Variants in PDE4D observed in about 807,000 individuals in gnomAD.
PDE4D encodes the protein phosphodiesterase 4D, also known as 3',5'-cyclic-AMP phosphodiesterase 4D.
In PDE4D, 24 loss-of-function variants were observed where a neutral mutation model predicts 87.4. That is an observed-to-expected ratio of 0.27 (90% CI 0.20 to 0.39). The LOEUF (loss-of-function observed/expected upper bound fraction) is 0.39, where lower values mean the gene tolerates loss of function less well. Ranked by LOEUF, PDE4D falls within the 10% of genes least tolerant of loss-of-function variation. The pLI, the probability that PDE4D is intolerant of heterozygous loss-of-function variation, is 1.00. For missense variants in PDE4D, 714 were observed against 1,041.0 expected, an observed-to-expected ratio of 0.69 and a Z score of 4.32; for synonymous variants, 384 against 383.2, an observed-to-expected ratio of 1.00 and a Z score of -0.02.
intron 2 of PDE4D, among the ~76,000 whole-genome samples, chr5:60,125,605 CAG>C (rs371540493): frequency 2.1e-4 from 32 of 149,522 alleles, no homozygotes; most frequent in South Asian, 4.2e-4. Context: ...GAGAGAAAGA[CAG>C]AGAGAGAGAG....
chr5:60,271,882 A>G (rs909486970), intron 1 of PDE4D, among the ~76,000 whole-genome samples: 2 of 152,222 alleles, frequency 1.3e-5, no homozygotes, highest in African/African-American at 4.8e-5. Flanking sequence ...AGAGACCATG[A>G]TCTATTCCCT....
rs34301317 is a variant in PDE4D, at chr5:59,551,471, T to TCACACACACACA, written c.456-335515_456-335504dup. ...CTCATTGAATAAAATGCTACTTCAG[T>TCACACACACACA]CACACACACACACACACACACACAA... is the stretch of plus-strand genomic sequence containing the variant. On this transcript the variant is annotated intron_variant, in intron 1 of 14. Coordinates refer to ENST00000340635, the MANE Select transcript of PDE4D (RefSeq NM_001104631.2). Among the ~76,000 whole-genome samples, 257 of 148,878 alleles carry TCACACACACACA rather than the reference T, an allele frequency of 1.7e-3. 1 individual carries two copies. Among genetic ancestry groups the TCACACACACACA allele is most frequent in the African/African-American group, 6.0e-3 (244 of 40,606 alleles).
At chr5:59,972,980 A>C (rs901152351) in intron 3 of PDE4D, among the ~76,000 whole-genome samples, 1 of 152,150 alleles carries the variant, frequency 6.6e-6, no homozygotes, top group African/African-American at 2.4e-5. Flanking sequence ...TCACCAACAG[A>C]GGAATGGTTA....
intron 1 of PDE4D, among the ~76,000 whole-genome samples, chr5:60,501,224 C>T (rs1750059037): frequency 6.6e-6 from 1 of 151,970 alleles, no homozygotes; most frequent in South Asian, 2.1e-4. Flanking sequence ...TTGTTCAATT[C>T]CCACCTATGA....
intron 1 of PDE4D, among the ~76,000 whole-genome samples, chr5:59,448,984 T>C (rs1004007888): frequency 4.6e-5 from 7 of 152,154 alleles, no homozygotes; most frequent in Non-Finnish European, 1.0e-4. Context: ...GTGAGTCTGT[T>C]ATAATTTTCT....
chr5:59,674,538 G>A (rs1747750433), intron 1 of PDE4D, among the ~76,000 whole-genome samples: 1 of 152,080 alleles, frequency 6.6e-6, no homozygotes, highest in Admixed American at 6.6e-5. Context: ...ATGATTCTCT[G>A]CTCCTTTTCT....
intron 1 of PDE4D, among the ~76,000 whole-genome samples, chr5:59,495,613 A>C (rs945167657): frequency 1.3e-5 from 2 of 152,192 alleles, no homozygotes; most frequent in African/African-American, 2.4e-5. Context: ...AGAGACATAA[A>C]GCATTAGAAG....
Position 59,651,279 on chromosome 5 carries a change from T to G in PDE4D, c.455+241889A>C, listed in dbSNP as rs917995150. Among the ~76,000 whole-genome samples, 187 of 143,690 alleles carry G rather than the reference T, an allele frequency of 1.3e-3. 1 individual carries two copies. The highest frequency in any genetic ancestry group is 9.2e-3 in the East Asian group (47 of 5,090). 94.3% of individuals were successfully genotyped at this position (143,690 alleles called of 152,430 possible). A position where few individuals can be genotyped will look rare whatever the true frequency, so the allele number is the denominator to read the frequency against. ...TCAACAATAATAATAATAATAATAATAATAATAATAATAATAATAATAATA... is the reference window on the plus strand; with the variant it reads ...TCAACAATAATAATAATAATAATAAGAATAATAATAATAATAATAATAATA... On this transcript the variant is annotated intron_variant, in intron 1 of 14. Coordinates refer to ENST00000340635, the MANE Select transcript of PDE4D (RefSeq NM_001104631.2).
chr5:59,045,534 C>T (rs1470821367), intron 5 of PDE4D, among the ~76,000 whole-genome samples: 1 of 60,262 alleles, frequency 1.7e-5, no homozygotes. Flanking sequence ...GCCTGGGCAA[C>T]AAGAGCATAA....
rs116392252 is a variant in PDE4D at position 60,069,357 on chromosome 5, T to A, written c.43-80640A>T. ...AGACACAGTGAGAAGGCACTAACTA[T>A]GAGGAAGCAGTCCATCAGTACCTGT... On this transcript the variant is annotated intron_variant, in intron 2 of 16. Transcript: ENST00000502484. Among the ~76,000 whole-genome samples, 1,016 of 152,262 alleles carry A rather than the reference T, an allele frequency of 6.7e-3. 18 individuals carry two copies. The highest frequency in any genetic ancestry group is 0.045 in the East Asian group (235 of 5,176).
At chr5:59,291,226 T>C (rs1767949306) in intron 1 of PDE4D, among the ~76,000 whole-genome samples, 1 of 152,076 alleles carries the variant, frequency 6.6e-6, no homozygotes. Context: ...ATGGTGCATA[T>C]ATATAATGTA....
chr5:59,371,839 C>A (rs1377643027), intron 1 of PDE4D, among the ~76,000 whole-genome samples: 1 of 152,198 alleles, frequency 6.6e-6, no homozygotes, highest in Admixed American at 6.5e-5. Flanking sequence ...TAATTTGTTT[C>A]TTACCCAGGG....
At chr5:60,068,986 T>A (rs532989324) in intron 2 of PDE4D, among the ~76,000 whole-genome samples, 4 of 152,336 alleles carry the variant, frequency 2.6e-5, no homozygotes, top group African/African-American at 9.6e-5. Context: ...AGTCTTGGTC[T>A]ATGTTTAATC....
Position 58,971,681 on chromosome 5 carries a change from A to G in PDE4D, c.*2983T>C, listed in dbSNP as rs1182459690. 6.6e-6 allele frequency: 1 copy of G among 152,646 alleles called. No individual in the cohort carries two copies. The highest frequency in any genetic ancestry group is 1.9e-4 in the East Asian group (1 of 5,202). 9.5% of individuals were successfully genotyped at this position (152,646 alleles called of 1,614,324 possible). A position where few individuals can be genotyped will look rare whatever the true frequency, so the allele number is the denominator to read the frequency against. On this transcript the variant is annotated 3_prime_UTR_variant, in exon 15 of 15. Coordinates refer to ENST00000340635, the MANE Select transcript of PDE4D (RefSeq NM_001104631.2). The stretch of plus-strand genomic sequence containing the variant: ...TTAACTGATATAAAACAAAATTAAA[A>G]CAGCATTATTGTGTTCAGTAACTTG...
intron 1 of PDE4D, among the ~76,000 whole-genome samples, chr5:60,232,288 G>A (rs1279721610): frequency 6.6e-6 from 1 of 151,908 alleles, no homozygotes; most frequent in Non-Finnish European, 1.5e-5. Flanking sequence ...TATCATTATG[G>A]TTCTGTTCTC....
At chr5:58,982,212 G>C (rs1020085085) in intron 11 of PDE4D, among the ~76,000 whole-genome samples, 2 of 152,104 alleles carry the variant, frequency 1.3e-5, no homozygotes, top group African/African-American at 4.8e-5. Flanking sequence ...CATGAATTCT[G>C]GTTATGCGAG....
chr5:60,155,952 C>G lies in PDE4D; in HGVS notation c.42+29605G>C, dbSNP rs150438784. ...TTCTGGATGTTTCACAGTCTCTTAACAAGGACATACATAATGAAAGAATGA... is the reference window on the plus strand; with the variant it reads ...TTCTGGATGTTTCACAGTCTCTTAAGAAGGACATACATAATGAAAGAATGA... On this transcript the variant is annotated intron_variant, in intron 2 of 16. Transcript: ENST00000502484. 6.4e-3 allele frequency among the ~76,000 whole-genome samples: 979 copies of G among 152,282 alleles called. 9 individuals are homozygous for G. Among genetic ancestry groups the G allele is most frequent in the African/African-American group, 0.022 (934 of 41,558 alleles).
intron 1 of PDE4D, among the ~76,000 whole-genome samples, chr5:60,334,001 C>T (rs1464295887): frequency 6.6e-6 from 1 of 152,228 alleles, no homozygotes; most frequent in African/African-American, 2.4e-5. Flanking sequence ...GTCCTAGCCA[C>T]AGTGCCCAAT....
intron 1 of PDE4D, among the ~76,000 whole-genome samples, chr5:59,255,786 G>A (rs1760865660): frequency 1.3e-5 from 2 of 152,032 alleles, no homozygotes; most frequent in African/African-American, 4.8e-5. Flanking sequence ...TATATACAAA[G>A]AAAACTAGTG....
Sources: allele counts gnomAD v4.1 joint callset (sites outside exome capture counted in the v4.1 genomes callset), GRCh38; gene constraint gnomAD v4.1.1; transcripts MANE v1.5; gene names NCBI Gene and HGNC (gene_info 2026-07-23, HGNC 2026-07-21).